MPP4: variants seen among roughly 807,000 people sequenced by gnomAD.
The protein encoded by MPP4 is MAGUK p55 subfamily member 4.
A neutral mutation model predicts 98.3 loss-of-function variants in MPP4; 91 were observed. The ratio of observed to expected loss-of-function variants is 0.93; its 90% CI spans 0.78 to 1.10. The LOEUF is 1.10. MPP4 is among the 50% of genes least tolerant of loss of function. The probability of loss-of-function intolerance (pLI) is 0.00; values close to 1 mark genes in which losing one functional copy is unlikely to be tolerated. For missense variants in MPP4, 744 were observed against 792.9 expected (o/e 0.94, Z 0.74); for synonymous variants, 261 against 271.8 (o/e 0.96, Z 0.39).
chr2:201,649,202 G>A (rs1687650416), intron 20 of MPP4, among the ~76,000 whole-genome samples: 1 of 152,132 alleles, frequency 6.6e-6, no homozygotes, highest in African/African-American at 2.4e-5. Context: ...CATTCTACAT[G>A]TGGTCTCAGG....
At chr2:201,645,490 T>C (rs1687537169) in intron 21 of MPP4, 86 bp from the exon 22 acceptor site, 6 of 1,115,672 alleles carry the variant, frequency 5.4e-6, no homozygotes, top group Non-Finnish European at 7.3e-6. Context: ...TCACATTCAG[T>C]TGTGAAACTA....
At chr2:201,664,531 C>T (rs913713557) in intron 13 of MPP4, among the ~76,000 whole-genome samples, 4 of 151,958 alleles carry the variant, frequency 2.6e-5, no homozygotes, top group Non-Finnish European at 4.4e-5. Context: ...GGGGTGATGA[C>T]GAGGAGAGTG....
intron 13 of MPP4, chr2:201,664,400 G>C: frequency 3.1e-5 from 36 of 1,149,154 alleles, no homozygotes; most frequent in Non-Finnish European, 3.9e-5. Flanking sequence ...TCAGAGGGAA[G>C]GGGAAAGTGG....
intron 19 of MPP4, 60 bp from the exon 20 acceptor site, chr2:201,649,744 A>T (rs1436078216): frequency 8.7e-7 from 1 of 1,149,466 alleles, no homozygotes; most frequent in Non-Finnish European, 1.3e-6. Context: ...TATTAGTAGT[A>T]ACATGAGGAT....
rs11399802 is a variant in MPP4, at chr2:201,645,014, G to GAA, written c.*194_*195dup. On this transcript the variant is annotated 3_prime_UTR_variant, in exon 22 of 22. Transcript: ENST00000409474. Reference sequence around the variant, plus strand: ...TACCACAGCTGCATATGAGGTAAAGGAAAAAAAATTAAGTTAAAATAGGTA... The same window carrying GAA: ...TACCACAGCTGCATATGAGGTAAAGGAAAAAAAAAATTAAGTTAAAATAGGTA... The GAA allele has an allele frequency of 3.1e-4, 122 of 397,186 alleles. No homozygotes were observed. Among genetic ancestry groups the GAA allele is most frequent in the African/African-American group, 1.1e-3 (52 of 48,594 alleles). The allele number at this position is 397,186 out of a possible 1,614,324, so 24.6% of individuals were successfully genotyped here.
chr2:201,670,648 T>C (rs2105928742), intron 11 of MPP4, among the ~76,000 whole-genome samples: 1 of 152,314 alleles, frequency 6.6e-6, no homozygotes, highest in Non-Finnish European at 1.5e-5. Context: ...TTCATGTGCC[T>C]TTGATAAATG....
At chr2:201,680,634 C>A (rs1453137864) in intron 10 of MPP4, 2 of 516,418 alleles carry the variant, frequency 3.9e-6, no homozygotes, top group Non-Finnish European at 6.8e-6. Context: ...TGTTTTCTAG[C>A]TGATATGATT....
At chr2:201,665,498 C>T (rs1347220527) in intron 13 of MPP4, 1 of 151,958 alleles carries the variant, frequency 6.6e-6, no homozygotes, top group African/African-American at 2.4e-5. Flanking sequence ...CTGAATATAC[C>T]TTTGTAGTTA....
intron 13 of MPP4, chr2:201,664,324 G>C (rs1359173493): frequency 6.9e-7 from 1 of 1,446,222 alleles, no homozygotes; most frequent in Non-Finnish European, 9.3e-7. Flanking sequence ...GACAGTCAGG[G>C]GTGCAGCAGG....
At chr2:201,677,377 C>G (rs942748821) in intron 10 of MPP4, among the ~76,000 whole-genome samples, 3 of 152,176 alleles carry the variant, frequency 2.0e-5, no homozygotes, top group South Asian at 2.1e-4. Context: ...TCTAACTCCC[C>G]CAATTTGCAA....
At chr2:201,678,333 C>T (rs1351604530) in intron 10 of MPP4, among the ~76,000 whole-genome samples, 4 of 152,198 alleles carry the variant, frequency 2.6e-5, no homozygotes, top group African/African-American at 9.7e-5. Context: ...ATCCCCTGTG[C>T]TTTAATCCCT....
chr2:201,666,211 G>T, intron 13 of MPP4, 123 bp downstream of exon 13: 3 of 689,452 alleles, frequency 4.4e-6, no homozygotes, highest in Non-Finnish European at 7.0e-6. Context: ...GGGGTGGAGG[G>T]TCATTTTACA....
intron 15 of MPP4, among the ~76,000 whole-genome samples, chr2:201,658,723 C>G (rs1239031311): frequency 6.6e-6 from 1 of 152,170 alleles, no homozygotes; most frequent in African/African-American, 2.4e-5. Context: ...ACGCACTTCA[C>G]AGAATTTGAG....
chr2:201,673,586 AG>A (rs1460058653), intron 11 of MPP4: 5 of 199,640 alleles, frequency 2.5e-5, no homozygotes, highest in East Asian at 1.6e-4. Flanking sequence ...AGAAAAAAAA[AG>A]ATGTTAAGTT....
chr2:201,682,812 A>G lies in MPP4; in HGVS notation c.660+19T>C, dbSNP rs752981139. ...GCATTTCTCCAAGTCATTAACAAAA[A>G]GGCAAAAAGAAGATTTACCAGAATA... is the stretch of plus-strand genomic sequence containing the variant. On this transcript the variant is annotated intron_variant, in intron 8 of 21. Transcript: ENST00000409474. 2.5e-5 allele frequency: 41 copies of G among 1,610,588 alleles called. 1 individual carries two copies. Among genetic ancestry groups the G allele is most frequent in the Middle Eastern group, 1.6e-4 (1 of 6,078 alleles).
rs542230325 is a variant in MPP4, at chr2:201,649,447, A to G, written c.1584+129T>C. On this transcript the variant is annotated intron_variant, in intron 20 of 21. Transcript: ENST00000409474. Reference sequence around the variant, plus strand: ...TGACACGTTAAGTAAGATCTTATATATGGGAAATGGCCTTATTCTTAAAAG... The same window carrying G: ...TGACACGTTAAGTAAGATCTTATATGTGGGAAATGGCCTTATTCTTAAAAG... 4 of 648,152 alleles carry G rather than the reference A, an allele frequency of 6.2e-6. No homozygotes were observed. In the South Asian group the frequency reaches 8.3e-5, roughly 13 times the overall value. The allele number at this position is 648,152 out of a possible 1,614,324, so 40.2% of individuals were successfully genotyped here. A position where few individuals can be genotyped will look rare whatever the true frequency, so the allele number is the denominator to read the frequency against.
At chr2:201,647,860 G>T in intron 20 of MPP4, 35 bp from the exon 21 acceptor site, 2 of 1,555,610 alleles carry the variant, frequency 1.3e-6, no homozygotes, top group Non-Finnish European at 1.7e-6. Context: ...TTTATTTTTT[G>T]TTTGTTTTGT....
intron 7 of MPP4, among the ~76,000 whole-genome samples, 159 bp from the exon 8 acceptor site, chr2:201,683,075 C>T (rs1011244468): frequency 3.3e-5 from 5 of 150,918 alleles, no homozygotes; most frequent in Admixed American, 6.6e-5. Flanking sequence ...TTCCAACTTA[C>T]ATCACCCCCA....
At chr2:201,693,155 A>G in intron 2 of MPP4, 126 bp from the exon 3 acceptor site, 2 of 1,082,766 alleles carry the variant, frequency 1.8e-6, no homozygotes, top group South Asian at 1.8e-5. Flanking sequence ...CTCAGGCCAA[A>G]AGATCTGACT....
Sources: gnomAD v4.1 joint callset for allele counts (sites outside exome capture counted in the v4.1 genomes callset) on GRCh38, gnomAD v4.1.1 for gene constraint, MANE v1.5 for transcripts, NCBI Gene and HGNC (gene_info 2026-07-23, HGNC 2026-07-21) for gene names.